AP3M2: variants seen among roughly 807,000 people sequenced by gnomAD.
The protein encoded by AP3M2 is adaptor related protein complex 3 subunit mu 2, also known as AP-3 complex subunit mu-2.
In AP3M2, 28 loss-of-function variants were observed where a neutral mutation model predicts 41.6. The ratio of observed to expected loss-of-function variants is 0.67; its 90% CI spans 0.50 to 0.92. AP3M2 has a LOEUF of 0.92. Among genes scored for constraint, AP3M2 ranks in the 40% least tolerant of loss-of-function variants. AP3M2 has a pLI of 0.00. For missense variants in AP3M2, 427 were observed against 521.4 expected (o/e 0.82, Z 1.76); for synonymous variants, 193 against 186.4 (o/e 1.04, Z -0.29).
At chr8:42,166,987 T>C in intron 6 of AP3M2, 177 bp from the exon 7 acceptor site, 1 of 610,988 alleles carries the variant, frequency 1.6e-6, no homozygotes, top group Non-Finnish European at 2.9e-6. Context: ...CAGTAGCTTT[T>C]CAAAAAGAAA....
intron 3 of AP3M2, among the ~76,000 whole-genome samples, chr8:42,158,747 CAT>C (rs1032442303): frequency 4.6e-5 from 7 of 151,250 alleles, no homozygotes; most frequent in South Asian, 2.1e-4. Context: ...ACACTTTTAA[CAT>C]GTGATATTTT....
At chr8:42,157,436 A>G (rs766290160) in intron 2 of AP3M2, among the ~76,000 whole-genome samples, 3 of 152,236 alleles carry the variant, frequency 2.0e-5, no homozygotes, top group Non-Finnish European at 4.4e-5. Flanking sequence ...TTGGAATGCT[A>G]GCGTCTTAAA....
chr8:42,163,539 A>G (rs913929247), intron 4 of AP3M2, among the ~76,000 whole-genome samples: 1 of 152,222 alleles, frequency 6.6e-6, no homozygotes, highest in Non-Finnish European at 1.5e-5. Context: ...GGGGGTGTTT[A>G]TGCTTCATCA....
At chr8:42,160,657 G>T (rs1804484162) in intron 3 of AP3M2, among the ~76,000 whole-genome samples, 1 of 152,028 alleles carries the variant, frequency 6.6e-6, no homozygotes. Flanking sequence ...AATTATCTTG[G>T]TGTGCAATAA....
chr8:42,160,094 C>G (rs1475104867), intron 3 of AP3M2, among the ~76,000 whole-genome samples: 1 of 152,164 alleles, frequency 6.6e-6, no homozygotes, highest in Non-Finnish European at 1.5e-5. Flanking sequence ...CAATCCAAAA[C>G]TTTTTGGATA....
intron 4 of AP3M2, 44 bp downstream of exon 4, chr8:42,162,462 G>A (rs1379952626): frequency 6.4e-7 from 1 of 1,560,800 alleles, no homozygotes; most frequent in East Asian, 2.3e-5. Flanking sequence ...AAATAGAAAG[G>A]GACCTCTTTC....
chr8:42,167,809 T>A lies in AP3M2; in HGVS notation c.1155T>A (p.Ser385=), dbSNP rs761610457. The A allele has an allele frequency of 4.3e-6, 7 of 1,611,320 alleles. No individual in the cohort carries two copies. Among genetic ancestry groups the A allele is most frequent in the Non-Finnish European group, 5.9e-6 (7 of 1,179,270 alleles). ...TTAAGATCCAGCAGCTGGCCATTTC[T>A]GGTAAGTGACCCAGAGCTCAAGAGG... The part of the protein sequence containing the change: ...LQFKIQQLAI[S]GLKVNRLDMY... The change falls in exon 8 of 9, where the codon TCT becomes TCA. Residue 385 remains serine, a splice_region_variant and synonymous_variant. Coordinates refer to ENST00000396926, the MANE Select transcript of AP3M2 (RefSeq NM_006803.4).
In AP3M2 at chr8:42,157,928, C is replaced by T. The variant is rs962829706; in HGVS notation, c.274-13C>T. On this transcript the variant is annotated splice_polypyrimidine_tract_variant and intron_variant, in intron 2 of 8. Coordinates refer to ENST00000396926, the MANE Select transcript of AP3M2 (RefSeq NM_006803.4). Reference sequence around the variant, plus strand: ...TATCTGAGTGATCAATGTGTATATTCTGTCTCCATCAGGATTATTTTGGAG... The same window carrying T: ...TATCTGAGTGATCAATGTGTATATTTTGTCTCCATCAGGATTATTTTGGAG... 6.2e-7 allele frequency: 1 copy of T among 1,607,622 alleles called. No homozygotes were observed. Among genetic ancestry groups the T allele is most frequent in the Non-Finnish European group, 8.5e-7 (1 of 1,174,574 alleles).
At chr8:42,164,934 AAGGG>A (rs1804599858) in intron 4 of AP3M2, 133 bp from the exon 5 acceptor site, 1 of 671,492 alleles carries the variant, frequency 1.5e-6, no homozygotes, top group Non-Finnish European at 2.5e-6. Context: ...GAAGGAAAGA[AAGGG>A]AGAGAGAGGA....
chr8:42,168,858 A>C, intron 8 of AP3M2, 103 bp from the exon 9 acceptor site: 1 of 787,866 alleles, frequency 1.3e-6, no homozygotes, highest in Non-Finnish European at 2.0e-6. Context: ...TGTCACAGCA[A>C]TGTCGGTCCC....
At chr8:42,167,873 C>T in intron 8 of AP3M2, 63 bp downstream of exon 8, 4 of 1,547,224 alleles carry the variant, frequency 2.6e-6, no homozygotes, top group Non-Finnish European at 3.5e-6. Flanking sequence ...CCATATGGCG[C>T]AGGCACCAGG....
chr8:42,160,352 C>A (rs1246695862), intron 3 of AP3M2, among the ~76,000 whole-genome samples: 1 of 152,106 alleles, frequency 6.6e-6, no homozygotes. Context: ...CAGACCCTTG[C>A]TTTTATAGGA....
At chr8:42,166,979 G>A (rs539987229) in intron 6 of AP3M2, 185 bp from the exon 7 acceptor site, 4 of 596,394 alleles carry the variant, frequency 6.7e-6, no homozygotes, top group Middle Eastern at 4.5e-4. Flanking sequence ...TTACTAGACA[G>A]TAGCTTTTCA....
chr8:42,165,196 A>G (rs1804607061), intron 5 of AP3M2, 40 bp downstream of exon 5: 2 of 1,584,648 alleles, frequency 1.3e-6, no homozygotes, highest in Non-Finnish European at 1.7e-6. Flanking sequence ...TGGGATGAGA[A>G]ATTAAATGCT....
At chr8:42,162,151 C>T (rs1193628008) in intron 3 of AP3M2, 130 bp from the exon 4 acceptor site, 1 of 892,644 alleles carries the variant, frequency 1.1e-6, no homozygotes, top group Non-Finnish European at 1.6e-6. Context: ...TTGGGAAAAA[C>T]CTCATCTTCT....
At chr8:42,162,943 CAAAAAAAAAAAAAAA>C (rs67923954) in intron 4 of AP3M2, among the ~76,000 whole-genome samples, 33 of 54,206 alleles carry the variant, frequency 6.1e-4, no homozygotes, top group African/African-American at 1.0e-3. Context: ...GACCCTGTCT[CAAAAAAAAAAAAAAA>C]AAAAAAAAAA....
At position 42,169,296 on chromosome 8, in the gene AP3M2, G is replaced by GA. The variant is rs1237004315; in HGVS notation, c.*235_*236insA. 2.6e-6 allele frequency: 1 copy of GA among 378,084 alleles called. No homozygotes were observed. The highest frequency in any genetic ancestry group is 4.7e-6 in the Non-Finnish European group (1 of 213,220). The allele number at this position is 378,084 out of a possible 1,614,324, so 23.4% of individuals were successfully genotyped here. ...GTTCTCAAGGACAAGGTGTGTGATG[G>GA]GGGTAGGAAGCTTGGTGCTTATGTA... On this transcript the variant is annotated 3_prime_UTR_variant, in exon 9 of 9. Coordinates refer to ENST00000396926, the MANE Select transcript of AP3M2 (RefSeq NM_006803.4).
intron 4 of AP3M2, among the ~76,000 whole-genome samples, chr8:42,162,943 C>CAAAA (rs67923954): frequency 0.13 from 6,848 of 53,780 alleles, 1,097 homozygotes; most frequent in Non-Finnish European, 0.18. Flanking sequence ...GACCCTGTCT[C>CAAAA]AAAAAAAAAA....
chr8:42,154,663 T>G lies in AP3M2; in HGVS notation c.-25T>G, dbSNP rs1804305750. 6.2e-7 allele frequency: 1 copy of G among 1,609,536 alleles called. No homozygotes were observed. The highest frequency in any genetic ancestry group is 8.5e-7 in the Non-Finnish European group (1 of 1,177,650). On this transcript the variant is annotated 5_prime_UTR_variant, in exon 2 of 9. Transcript: ENST00000396926. Reference sequence around the variant, plus strand: ...GAGGCTTTCAGACTGAAAAAGGCTTTCTTCTGTCACTGACAATCGCCACCA... The same window carrying G: ...GAGGCTTTCAGACTGAAAAAGGCTTGCTTCTGTCACTGACAATCGCCACCA...
Sources: allele counts gnomAD v4.1 joint callset (sites outside exome capture counted in the v4.1 genomes callset), GRCh38; gene constraint gnomAD v4.1.1; transcripts MANE v1.5; gene names NCBI Gene and HGNC (gene_info 2026-07-23, HGNC 2026-07-21).